Variants in NEDD4 observed in about 807,000 individuals in gnomAD.
The protein encoded by NEDD4 is NEDD4 E3 ubiquitin protein ligase.
NEDD4 carries 99 observed loss-of-function variants against 144.9 expected under a neutral mutation model. That is an observed-to-expected ratio of 0.68 (90% confidence interval 0.58 to 0.81). The LOEUF is 0.81. NEDD4 is among the 30% of genes least tolerant of loss of function. The probability of loss-of-function intolerance (pLI) is 0.00; values close to 1 mark genes in which losing one functional copy is unlikely to be tolerated. For missense variants in NEDD4, 985 were observed against 1,065.9 expected, an observed-to-expected ratio of 0.92 and a Z score of 1.06; for synonymous variants, 318 against 350.6, an observed-to-expected ratio of 0.91 and a Z score of 1.04.
chr15:55,881,103 A>C (rs1411997145), intron 5 of NEDD4, among the ~76,000 whole-genome samples: 1 of 149,364 alleles, frequency 6.7e-6, no homozygotes, highest in African/African-American at 2.5e-5. Flanking sequence ...GCTTTTAATG[A>C]TGTTTTCAAG....
chr15:55,918,788 C>T (rs1032908114), intron 5 of NEDD4, among the ~76,000 whole-genome samples: 1 of 152,022 alleles, frequency 6.6e-6, no homozygotes, highest in African/African-American at 2.4e-5. Context: ...TTGTATAAAC[C>T]ACCTCCTTTA....
intron 4 of NEDD4, among the ~76,000 whole-genome samples, chr15:55,946,317 A>G (rs923107829): frequency 6.6e-6 from 1 of 152,224 alleles, no homozygotes; most frequent in Admixed American, 6.5e-5. Flanking sequence ...AGGAAGATCT[A>G]TCAAGCAAAT....
intron 5 of NEDD4, among the ~76,000 whole-genome samples, chr15:55,906,507 T>C (rs574655852): frequency 1.3e-5 from 2 of 152,082 alleles, no homozygotes; most frequent in South Asian, 2.1e-4. Context: ...CTGGAAACCA[T>C]CATTCTCAGC....
chr15:55,988,721 A>T (rs1453370870), intron 1 of NEDD4, among the ~76,000 whole-genome samples: 1 of 152,148 alleles, frequency 6.6e-6, no homozygotes, highest in African/African-American at 2.4e-5. Context: ...GTTATGCAGG[A>T]AAGTATTCTT....
intron 4 of NEDD4, 22 bp downstream of exon 4, chr15:55,951,354 G>C (rs925491923): frequency 1.8e-5 from 15 of 856,314 alleles, no homozygotes; most frequent in Admixed American, 7.4e-5. Context: ...TTCCACTTTA[G>C]TAAAATAAAA....
At position 55,919,481 on chromosome 15, in the gene NEDD4, CA is replaced by C. The variant is rs1266303975; in HGVS notation, c.291+5164del. ...GAGTTTAAATTCTAGGGAGGCTGAA[CA>C]ATTTGCATTGCTGGCTGAGGTCTGA... On this transcript the variant is annotated intron_variant, in intron 5 of 28. Coordinates refer to ENST00000435532, the MANE Select transcript of NEDD4 (RefSeq NM_006154.4). Among the ~76,000 whole-genome samples, 10 of 152,286 alleles carry C rather than the reference CA, an allele frequency of 6.6e-5. No individual in the cohort carries two copies. The East Asian group carries it at 1.9e-3, about 29-fold the overall frequency.
intron 2 of NEDD4, among the ~76,000 whole-genome samples, chr15:55,956,498 C>A (rs1263598071): frequency 6.6e-6 from 1 of 152,172 alleles, no homozygotes; most frequent in Non-Finnish European, 1.5e-5. Context: ...TCATTCTATA[C>A]AGACCAGTTG....
At chr15:55,914,095 T>C (rs1158493583) in intron 5 of NEDD4, among the ~76,000 whole-genome samples, 1 of 151,842 alleles carries the variant, frequency 6.6e-6, no homozygotes, top group East Asian at 1.9e-4. Flanking sequence ...GTGGCTTATA[T>C]TAACATCTGG....
At chr15:55,877,973 A>G (rs1282091878) in intron 5 of NEDD4, among the ~76,000 whole-genome samples, 2 of 152,266 alleles carry the variant, frequency 1.3e-5, no homozygotes, top group Non-Finnish European at 2.9e-5. Context: ...AAAATGATTC[A>G]GGTTCAGCAT....
chr15:55,850,870 G>C (rs1566909568), intron 13 of NEDD4, 128 bp from the exon 14 acceptor site: 2 of 718,432 alleles, frequency 2.8e-6, no homozygotes, highest in Non-Finnish European at 4.2e-6. Context: ...AAATATTTGA[G>C]GCTCATTTTC....
At chr15:55,979,702 T>G (rs1279635980) in intron 1 of NEDD4, among the ~76,000 whole-genome samples, 2 of 152,170 alleles carry the variant, frequency 1.3e-5, no homozygotes, top group Non-Finnish European at 2.9e-5. Flanking sequence ...CTATTTTTTC[T>G]TTAAAGAAAG....
chr15:55,957,186 G>A (rs1258207132), intron 2 of NEDD4, among the ~76,000 whole-genome samples: 1 of 152,148 alleles, frequency 6.6e-6, no homozygotes, highest in Non-Finnish European at 1.5e-5. Flanking sequence ...AGTTCTTCCA[G>A]TAGTTTTTTC....
intron 2 of NEDD4, among the ~76,000 whole-genome samples, chr15:55,965,703 T>C (rs1420174860): frequency 6.8e-6 from 1 of 148,064 alleles, no homozygotes; most frequent in Non-Finnish European, 1.5e-5. Context: ...TGCATGTTTG[T>C]ATGTATTTTT....
chr15:55,833,775 C>T (rs1357746897), intron 26 of NEDD4, among the ~76,000 whole-genome samples: 1 of 152,234 alleles, frequency 6.6e-6, no homozygotes, highest in Non-Finnish European at 1.5e-5. Context: ...CAAGTTCTTT[C>T]AGTCCCTACT....
At chr15:55,957,572 C>T (rs762498929) in intron 2 of NEDD4, among the ~76,000 whole-genome samples, 78 of 152,102 alleles carry the variant, frequency 5.1e-4, no homozygotes, top group Non-Finnish European at 1.0e-3. Context: ...GGCGATTCCT[C>T]AAGGATCTAG....
chr15:55,883,817 G>C lies in NEDD4; in HGVS notation c.292-9809C>G, dbSNP rs552085446. On this transcript the variant is annotated intron_variant, in intron 5 of 28. Coordinates refer to ENST00000435532, the MANE Select transcript of NEDD4 (RefSeq NM_006154.4). ...GGGAGAAAGTAAGGGAGAAGAACAA[G>C]AGTCTCTGCCTGGTAATCCAAAGAA... Among the ~76,000 whole-genome samples the C allele has an allele frequency of 1.1e-4, 17 of 152,068 alleles. No homozygotes were observed. The South Asian group carries it at 3.3e-3, about 30-fold the overall frequency.
At chr15:55,957,364 T>G (rs1329937408) in intron 2 of NEDD4, among the ~76,000 whole-genome samples, 1 of 152,216 alleles carries the variant, frequency 6.6e-6, no homozygotes, top group African/African-American at 2.4e-5. Flanking sequence ...TTTGCCTTAT[T>G]CCTGAGTTAA....
At chr15:55,957,667 G>A (rs1238470457) in intron 2 of NEDD4, among the ~76,000 whole-genome samples, 1 of 152,140 alleles carries the variant, frequency 6.6e-6, no homozygotes, top group Non-Finnish European at 1.5e-5. Context: ...AAAGACACAT[G>A]CACATGTATG....
chr15:55,983,643 C>A (rs1469458397), intron 1 of NEDD4, among the ~76,000 whole-genome samples: 1 of 140,454 alleles, frequency 7.1e-6, no homozygotes, highest in Non-Finnish European at 1.5e-5. Context: ...ACAGAGTGTT[C>A]TTCTGTTGCC....
Sources: gnomAD v4.1 joint callset for allele counts (sites outside exome capture counted in the v4.1 genomes callset) on GRCh38, gnomAD v4.1.1 for gene constraint, MANE v1.5 for transcripts, NCBI Gene and HGNC (gene_info 2026-07-23, HGNC 2026-07-21) for gene names.